The following ZNF487 variants were observed in gnomAD, a reference collection of about 807,000 sequenced individuals.
ZNF487 encodes the protein zinc finger protein 487, also known as KRAB domain only 1.
A neutral mutation model predicts 3.0 loss-of-function variants in ZNF487; 4 were observed. The ratio of observed to expected loss-of-function variants is 1.35; its 90% confidence interval spans 0.66 to 3.08. The LOEUF is 3.08. Among genes scored for constraint, ZNF487 ranks in the 30% most tolerant of loss-of-function variants. The pLI, the probability that ZNF487 is intolerant of heterozygous loss-of-function variation, is 0.01. For synonymous variants in ZNF487, 55 were observed against 34.6 expected, an observed-to-expected ratio of 1.59 and a Z score of -2.06; for missense variants, 146 against 98.7, an observed-to-expected ratio of 1.48 and a Z score of -2.03.
At chr10:43,498,111 T>TTC in the ZNF487 span, among the ~76,000 whole-genome samples, 10 of 9,224 alleles carry the variant, frequency 1.1e-3, no homozygotes, top group Non-Finnish European at 2.0e-3. Context: ...TTTTTTTTTT[T>TTC]TTCTTTTTTT....
intron 1 of ZNF487, among the ~76,000 whole-genome samples, chr10:43,451,229 A>G (rs1345432579): frequency 6.7e-6 from 1 of 148,640 alleles, no homozygotes; most frequent in African/African-American, 2.5e-5. Context: ...TACAGGCGTG[A>G]ACCACCATGG....
At chr10:43,459,804 A>C (rs1176278820) in intron 1 of ZNF487, among the ~76,000 whole-genome samples, 2 of 110,358 alleles carry the variant, frequency 1.8e-5, no homozygotes, top group Non-Finnish European at 3.5e-5. Flanking sequence ...TATTATTATT[A>C]TTATTATTAT....
At chr10:43,498,075 T>TATATATATATATATATATA in the ZNF487 span, among the ~76,000 whole-genome samples, 5 of 35,022 alleles carry the variant, frequency 1.4e-4, no homozygotes, top group African/African-American at 6.2e-4. Context: ...ATTTGGTATT[T>TATATATATATATATATATA]TATATATATA....
chr10:43,446,153 C>T (rs371996709), intron 1 of ZNF487, among the ~76,000 whole-genome samples: 40 of 152,202 alleles, frequency 2.6e-4, no homozygotes, highest in African/African-American at 8.9e-4. Context: ...TCGACAAAAC[C>T]GCCGTCGTCA....
intron 1 of ZNF487, among the ~76,000 whole-genome samples, chr10:43,442,266 AAC>A (rs67484720): frequency 0.033 from 4,857 of 148,952 alleles, 97 homozygotes; most frequent in Non-Finnish European, 0.04. Context: ...CAACAACAAC[AAC>A]AAAAAAAAAA....
the ZNF487 span, among the ~76,000 whole-genome samples, chr10:43,519,935 T>C: frequency 1.3e-5 from 2 of 152,226 alleles, no homozygotes; most frequent in African/African-American, 4.8e-5. Context: ...CTAGTGTGTA[T>C]CTTTCCTGTC....
chr10:43,512,394 C>T, the ZNF487 span, among the ~76,000 whole-genome samples: 5 of 152,150 alleles, frequency 3.3e-5, no homozygotes, highest in East Asian at 1.9e-4. Flanking sequence ...AATGCTGCTG[C>T]GCATGACCCA....
At chr10:43,441,124 A>G (rs992693587) in intron 1 of ZNF487, among the ~76,000 whole-genome samples, 2 of 125,438 alleles carry the variant, frequency 1.6e-5, no homozygotes, top group African/African-American at 6.1e-5. Context: ...CGTGGGCTTA[A>G]GCAATCCTTC....
At chr10:43,477,909 T>C (rs2132142618) in intron 3 of ZNF487, among the ~76,000 whole-genome samples, 1 of 150,814 alleles carries the variant, frequency 6.6e-6, no homozygotes, top group South Asian at 2.1e-4. Flanking sequence ...GAGATCGCAC[T>C]ATTGTACTTC....
rs945050674 is a variant in ZNF487 at position 43,476,255 on chromosome 10, A to G, written c.130+53A>G. ...TAATCCCAGGGAGAAATTTGATCCTAGGGAGATACTTCACATATTGACATC... is the reference window on the plus strand; with the variant it reads ...TAATCCCAGGGAGAAATTTGATCCTGGGGAGATACTTCACATATTGACATC... On this transcript the variant is annotated intron_variant, in intron 3 of 3. Transcript: ENST00000437590. 6 of 689,064 alleles carry G rather than the reference A, an allele frequency of 8.7e-6. No individual in the cohort carries two copies. The African/African-American group carries it at 9.0e-5, about 10-fold the overall frequency. 42.7% of individuals were successfully genotyped at this position (689,064 alleles called of 1,614,324 possible).
chr10:43,450,386 T>C (rs1839965230), intron 1 of ZNF487, among the ~76,000 whole-genome samples: 1 of 145,954 alleles, frequency 6.9e-6, no homozygotes, highest in Non-Finnish European at 1.5e-5. Flanking sequence ...GGAGTCTCAC[T>C]CTGTTGCCCA....
chr10:43,514,644 C>T, the ZNF487 span, among the ~76,000 whole-genome samples: 1 of 152,332 alleles, frequency 6.6e-6, no homozygotes, highest in East Asian at 1.9e-4. Context: ...TAGCCACGCC[C>T]ACCTTGCCTT....
intron 1 of ZNF487, among the ~76,000 whole-genome samples, 200 bp downstream of exon 1, chr10:43,437,462 G>A (rs1030365034): frequency 6.6e-6 from 1 of 152,126 alleles, no homozygotes; most frequent in Non-Finnish European, 1.5e-5. Context: ...CGAGACAAGG[G>A]CAACCAGAAG....
chr10:43,480,044 T>TTTCTTTC (rs201513596), intron 3 of ZNF487, among the ~76,000 whole-genome samples: 58 of 24,980 alleles, frequency 2.3e-3, no homozygotes, highest in Non-Finnish European at 4.2e-3. Flanking sequence ...TCTTTCTTTC[T>TTTCTTTC]TTTTCTTTCT....
chr10:43,467,155 A>C (rs962806701), intron 1 of ZNF487, among the ~76,000 whole-genome samples: 4 of 151,786 alleles, frequency 2.6e-5, no homozygotes, highest in African/African-American at 9.7e-5. Flanking sequence ...GATTATAAGC[A>C]TGAGCCGCCG....
chr10:43,465,216 CG>C (rs985490856), intron 1 of ZNF487, among the ~76,000 whole-genome samples: 14 of 144,850 alleles, frequency 9.7e-5, no homozygotes, highest in African/African-American at 3.3e-4. Flanking sequence ...CCCTCCTGGA[CG>C]GGGCGGCTGG....
chr10:43,462,752 C>A (rs1041700785), intron 1 of ZNF487, among the ~76,000 whole-genome samples: 4 of 150,358 alleles, frequency 2.7e-5, no homozygotes, highest in Non-Finnish European at 5.9e-5. Context: ...CTGCATCCGG[C>A]CTTTTTTTTT....
At chr10:43,489,075 A>G in the ZNF487 span, among the ~76,000 whole-genome samples, 1 of 152,144 alleles carries the variant, frequency 6.6e-6, no homozygotes, top group Non-Finnish European at 1.5e-5. Context: ...ACGCCAGCCC[A>G]GGCAACAGAG....
the ZNF487 span, among the ~76,000 whole-genome samples, chr10:43,505,636 GT>G: frequency 1.4e-3 from 209 of 151,820 alleles, 1 homozygote; most frequent in Middle Eastern, 3.4e-3. Context: ...TATAATTACT[GT>G]TTTATGTTTT....
Sources: allele counts gnomAD v4.1 joint callset (sites outside exome capture counted in the v4.1 genomes callset), GRCh38; gene constraint gnomAD v4.1.1; transcripts MANE v1.5; gene names NCBI Gene and HGNC (gene_info 2026-07-23, HGNC 2026-07-21).